The following ARMC8 variants were observed in gnomAD, a reference collection of about 807,000 sequenced individuals.
The protein encoded by ARMC8 is armadillo repeat-containing protein 8.
ARMC8 carries 20 observed loss-of-function variants against 99.3 expected under a neutral mutation model. The observed-to-expected ratio is 0.20, with a 90% CI of 0.14 to 0.29. The LOEUF is 0.29. Ranked by LOEUF, ARMC8 falls within the 10% of genes least tolerant of loss-of-function variation. The pLI is 1.00. For synonymous variants in ARMC8, 263 were observed against 278.3 expected (o/e 0.95, Z 0.55); for missense variants, 569 against 809.5 (o/e 0.70, Z 3.60).
intron 9 of ARMC8, chr3:138,239,195 A>G: frequency 3.1e-6 from 1 of 324,376 alleles, no homozygotes; most frequent in East Asian, 7.6e-5. Flanking sequence ...AAATGTGTCC[A>G]TCATTAGGTT....
At chr3:138,235,608 A>AT (rs2046290672) in intron 7 of ARMC8, among the ~76,000 whole-genome samples, 1 of 152,202 alleles carries the variant, frequency 6.6e-6, no homozygotes, top group African/African-American at 2.4e-5. Context: ...AAGCAGTGTC[A>AT]TATTACCAGG....
chr3:138,291,107 A>T (rs891629005), intron 21 of ARMC8, among the ~76,000 whole-genome samples: 1 of 152,224 alleles, frequency 6.6e-6, no homozygotes, highest in African/African-American at 2.4e-5. Flanking sequence ...AAGAGTTATA[A>T]TCAGATACTC....
At chr3:138,195,219 A>G (rs2043648780) in intron 1 of ARMC8, among the ~76,000 whole-genome samples, 1 of 150,602 alleles carries the variant, frequency 6.6e-6, no homozygotes, top group South Asian at 2.2e-4. Context: ...TGGAGCTTGC[A>G]GTGAGCCGAG....
intron 18 of ARMC8, among the ~76,000 whole-genome samples, chr3:138,279,015 A>G (rs887558351): frequency 1.3e-5 from 2 of 152,086 alleles, no homozygotes; most frequent in South Asian, 2.1e-4. Context: ...TCTATATGCT[A>G]TTTTGTTTTT....
At position 138,296,842 on chromosome 3, in the gene ARMC8, C is replaced by T. The variant is rs1044391848; in HGVS notation, c.*950C>T. ...CTTGACAGGAACTGGGGACCAAGAG[C>T]CTCCCAATTGCCCTAACTCCTGTCA... On this transcript the variant is annotated 3_prime_UTR_variant, in exon 22 of 22. Coordinates refer to ENST00000469044, the MANE Select transcript of ARMC8 (RefSeq NM_001363941.2). 2 of 152,192 alleles carry T rather than the reference C, an allele frequency of 1.3e-5. No individual in the cohort carries two copies. Among genetic ancestry groups the T allele is most frequent in the Non-Finnish European group, 2.9e-5 (2 of 68,040 alleles). 9.4% of individuals were successfully genotyped at this position (152,192 alleles called of 1,614,324 possible).
chr3:138,203,011 G>C (rs2044165847), intron 1 of ARMC8, among the ~76,000 whole-genome samples: 1 of 152,166 alleles, frequency 6.6e-6, no homozygotes, highest in African/African-American at 2.4e-5. Flanking sequence ...GTCATGGGTA[G>C]TTTATTCAAT....
chr3:138,188,376 C>G, intron 1 of ARMC8: 1 of 1,396,138 alleles, frequency 7.2e-7, no homozygotes, highest in Non-Finnish European at 9.6e-7. Flanking sequence ...GAAGTAAAAC[C>G]TGTTTTTTTT....
intron 5 of ARMC8, among the ~76,000 whole-genome samples, chr3:138,224,256 C>A (rs778218899): frequency 9.9e-5 from 15 of 151,682 alleles, no homozygotes; most frequent in Non-Finnish European, 1.9e-4. Context: ...CTGCGCCCGA[C>A]AACAAGACTC....
At chr3:138,285,354 C>G (rs926674803) in intron 19 of ARMC8, among the ~76,000 whole-genome samples, 1 of 152,286 alleles carries the variant, frequency 6.6e-6, no homozygotes, top group East Asian at 1.9e-4. Flanking sequence ...GAATAAAGTT[C>G]GTATGCCTTT....
intron 1 of ARMC8, among the ~76,000 whole-genome samples, chr3:138,192,832 G>A (rs1469336544): frequency 6.6e-6 from 1 of 151,334 alleles, no homozygotes; most frequent in African/African-American, 2.4e-5. Flanking sequence ...ACTGCACCTG[G>A]CCTGAAAATC....
chr3:138,275,847 T>A (rs999112841), intron 18 of ARMC8, among the ~76,000 whole-genome samples: 3 of 152,240 alleles, frequency 2.0e-5, no homozygotes, highest in Admixed American at 1.3e-4. Context: ...TTAAAATTTT[T>A]TTTAAAACTG....
intron 1 of ARMC8, among the ~76,000 whole-genome samples, chr3:138,205,496 T>C (rs1233842268): frequency 6.6e-6 from 1 of 152,204 alleles, no homozygotes; most frequent in Non-Finnish European, 1.5e-5. Flanking sequence ...CAGTGTTTGG[T>C]CTAGTCCATG....
At chr3:138,284,569 A>G in intron 19 of ARMC8, 43 bp downstream of exon 19, 1 of 1,394,198 alleles carries the variant, frequency 7.2e-7, no homozygotes, top group Non-Finnish European at 1.0e-6. Flanking sequence ...GAATGCAGGG[A>G]CTGTTGCATT....
In ARMC8 at chr3:138,237,295, A is replaced by G; in HGVS notation, c.610-14A>G. 1 of 1,608,664 alleles carries G rather than the reference A, an allele frequency of 6.2e-7. No individual in the cohort carries two copies. On this transcript the variant is annotated splice_polypyrimidine_tract_variant and intron_variant, in intron 7 of 21. Transcript: ENST00000469044. Reference sequence around the variant, plus strand: ...AATTAAACACATTTTTTGTTTGTTCATTTATTTTTACAGGTTCGAATGCAA... The same window carrying G: ...AATTAAACACATTTTTTGTTTGTTCGTTTATTTTTACAGGTTCGAATGCAA...
chr3:138,194,628 G>A (rs1376119488), intron 1 of ARMC8, among the ~76,000 whole-genome samples: 7 of 151,912 alleles, frequency 4.6e-5, no homozygotes, highest in Non-Finnish European at 1.0e-4. Flanking sequence ...GTGAGCCACC[G>A]TGCCCAGCTG....
chr3:138,272,939 A>AT (rs750840152), intron 16 of ARMC8, 28 bp from the exon 17 acceptor site: 1 of 1,491,372 alleles, frequency 6.7e-7, no homozygotes, highest in South Asian at 1.4e-5. Context: ...TGTAGACATG[A>AT]TTCTTGCAAC....
intron 1 of ARMC8, among the ~76,000 whole-genome samples, chr3:138,205,347 C>T (rs181971187): frequency 3.3e-5 from 5 of 152,078 alleles, no homozygotes; most frequent in East Asian, 1.9e-4. Flanking sequence ...CCACGCCCGG[C>T]GGCAATTCAG....
chr3:138,284,598 G>T, intron 19 of ARMC8, 72 bp downstream of exon 19: 2 of 1,130,434 alleles, frequency 1.8e-6, no homozygotes, highest in South Asian at 1.3e-5. Flanking sequence ...AAAATAAATT[G>T]TGCAGAGATT....
intron 19 of ARMC8, among the ~76,000 whole-genome samples, chr3:138,288,584 G>A (rs899525693): frequency 6.7e-6 from 1 of 148,780 alleles, no homozygotes; most frequent in Non-Finnish European, 1.5e-5. Flanking sequence ...ACTCATTAGT[G>A]TTAACTTCAT....
Sources: allele counts gnomAD v4.1 joint callset (sites outside exome capture counted in the v4.1 genomes callset), GRCh38; gene constraint gnomAD v4.1.1; transcripts MANE v1.5; gene names NCBI Gene and HGNC (gene_info 2026-07-23, HGNC 2026-07-21).